Variants in NFKB1 observed in about 807,000 individuals in gnomAD.
NFKB1 encodes nuclear factor NF-kappa-B p105 subunit.
Under a neutral mutation model 105.1 loss-of-function variants are expected in NFKB1, and 9 were observed. The observed-to-expected ratio is 0.09, with a 90% CI of 0.05 to 0.15. The LOEUF is 0.15. NFKB1 is among the 10% of genes least tolerant of loss of function. NFKB1 has a pLI of 1.00. For synonymous variants in NFKB1, 440 were observed against 442.2 expected (o/e 1.00, Z 0.06); for missense variants, 830 against 1,203.7 (o/e 0.69, Z 4.59).
At chr4:102,522,133 T>C (rs1452202688) in intron 1 of NFKB1, among the ~76,000 whole-genome samples, 1 of 152,236 alleles carries the variant, frequency 6.6e-6, no homozygotes, top group African/African-American at 2.4e-5. Context: ...TTTTCCCTGG[T>C]CTTTTCTAAT....
At chr4:102,570,077 G>T (rs1724200984) in intron 6 of NFKB1, among the ~76,000 whole-genome samples, 1 of 151,924 alleles carries the variant, frequency 6.6e-6, no homozygotes, top group South Asian at 2.1e-4. Context: ...TTTGCTTTAG[G>T]CCAGTTCACT....
chr4:102,560,498 T>C (rs753051371), intron 5 of NFKB1, among the ~76,000 whole-genome samples: 12 of 152,138 alleles, frequency 7.9e-5, no homozygotes, highest in Non-Finnish European at 1.8e-4. Flanking sequence ...CTGTTGGTCA[T>C]TCAAAAAGGG....
At position 102,576,976 on chromosome 4, in the gene NFKB1, C is replaced by G; in HGVS notation, c.508C>G (p.Leu170Val). ...GTGTATAAGGGGCTATAATCCTGGA[C>G]TCTTGGTGCACCCTGACCTTGCCTA... ...EACIRGYNPGLLVHPDLAYLQ... is the reference protein window; with the variant it reads ...EACIRGYNPGVLVHPDLAYLQ... Residue 170 changes from leucine (L) to valine (V), a missense_variant, in exon 7 of 24, where the codon CTC becomes GTC. Leu to Val is a conservative substitution (Grantham distance 32). This residue lies in a region of NFKB1 where 80 missense variants were observed against 122.6 expected (regional missense o/e 0.65). Coordinates refer to ENST00000226574, the MANE Select transcript of NFKB1 (RefSeq NM_003998.4). The G allele has an allele frequency of 6.2e-7, 1 of 1,613,896 alleles. No individual in the cohort carries two copies. Among genetic ancestry groups the G allele is most frequent in the Non-Finnish European group, 8.5e-7 (1 of 1,179,948 alleles).
At chr4:102,548,650 C>T (rs1229515512) in intron 5 of NFKB1, among the ~76,000 whole-genome samples, 3 of 152,182 alleles carry the variant, frequency 2.0e-5, no homozygotes, top group African/African-American at 7.2e-5. Flanking sequence ...ATATCATGGT[C>T]TTCGCAGGGC....
chr4:102,516,048 A>G (rs1740157698), intron 1 of NFKB1, among the ~76,000 whole-genome samples: 1 of 152,086 alleles, frequency 6.6e-6, no homozygotes, highest in South Asian at 2.1e-4. Context: ...TTATCACTGT[A>G]AAGGTGCCTT....
chr4:102,518,912 G>C (rs901197779), intron 1 of NFKB1, among the ~76,000 whole-genome samples: 1 of 152,178 alleles, frequency 6.6e-6, no homozygotes, highest in Non-Finnish European at 1.5e-5. Flanking sequence ...TCATTGCAAG[G>C]CCTCTTATAA....
chr4:102,514,156 CAG>C (rs1739969904), intron 1 of NFKB1, among the ~76,000 whole-genome samples: 1 of 150,926 alleles, frequency 6.6e-6, no homozygotes, highest in South Asian at 2.1e-4. Flanking sequence ...GCCTGGGTGA[CAG>C]AGCGAGACTC....
chr4:102,593,201 T>A (rs1726313299), intron 11 of NFKB1: 2 of 332,972 alleles, frequency 6.0e-6, no homozygotes, highest in Admixed American at 4.7e-5. Flanking sequence ...TAGAGTGGAT[T>A]TGGGTGTGTA....
chr4:102,615,218 A>C (rs968489264), intron 23 of NFKB1, among the ~76,000 whole-genome samples: 1 of 152,224 alleles, frequency 6.6e-6, no homozygotes, highest in African/African-American at 2.4e-5. Context: ...TGTGCCTAGC[A>C]GTGTTCGAGG....
chr4:102,614,488 C>T (rs1728749264), intron 23 of NFKB1, among the ~76,000 whole-genome samples: 1 of 152,140 alleles, frequency 6.6e-6, no homozygotes, highest in Non-Finnish European at 1.5e-5. Flanking sequence ...AGCTACAGTC[C>T]AATTGCTCTA....
At chr4:102,503,002 GTTTGTTAAAACT>G (rs1345565369) in intron 1 of NFKB1, among the ~76,000 whole-genome samples, 1 of 152,082 alleles carries the variant, frequency 6.6e-6, no homozygotes, top group Admixed American at 6.5e-5. Context: ...CTGCATTCGT[GTTTGTTAAAACT>G]TTAAAAGGGA....
intron 5 of NFKB1, among the ~76,000 whole-genome samples, chr4:102,554,466 T>G (rs1012958620): frequency 6.6e-6 from 1 of 152,182 alleles, no homozygotes; most frequent in African/African-American, 2.4e-5. Flanking sequence ...GAGACATTTA[T>G]GTTAAGCACA....
chr4:102,567,193 G>C, intron 6 of NFKB1, 58 bp downstream of exon 6: 1 of 1,570,424 alleles, frequency 6.4e-7, no homozygotes, highest in South Asian at 1.1e-5. Context: ...TGGGATGCAG[G>C]AACTTAGAAT....
intron 5 of NFKB1, among the ~76,000 whole-genome samples, chr4:102,566,773 C>G (rs1723909455): frequency 6.6e-6 from 1 of 152,270 alleles, no homozygotes; most frequent in East Asian, 1.9e-4. Context: ...AGTGTATCTT[C>G]CCACTACACA....
chr4:102,606,497 C>T lies in NFKB1; in HGVS notation c.1754C>T (p.Thr585Met), dbSNP rs748549995. 1.9e-6 allele frequency: 3 copies of T among 1,613,892 alleles called. No individual in the cohort carries two copies. The highest frequency in any genetic ancestry group is 2.5e-6 in the Non-Finnish European group (3 of 1,179,924). The stretch of plus-strand genomic sequence containing the variant: ...ATCTCCTGCCCTTTCACTTTCCAGA[C>T]GCCCTTGCACTTGGCAGTGATCACT... Reference protein sequence around the residue: ...IINMRNDLYQTPLHLAVITKQ... With the variant: ...IINMRNDLYQMPLHLAVITKQ... The change falls in exon 17 of 24, where the codon ACG becomes ATG. Residue 585 changes from threonine (T) to methionine (M), a missense_variant and splice_region_variant. Physicochemically the swap from Thr to Met is moderately conservative, Grantham distance 81. Around this residue, in one of 8 missense-constraint regions of NFKB1, gnomAD observed 418 missense variants for 575.3 expected, o/e 0.73. Transcript: ENST00000226574.
At position 102,596,209 on chromosome 4, in the gene NFKB1, C is replaced by T. The variant is rs761486898; in HGVS notation, c.1372C>T (p.Leu458Phe). 17 of 1,613,346 alleles carry T rather than the reference C, an allele frequency of 1.1e-5. No individual in the cohort carries two copies. Among genetic ancestry groups the T allele is most frequent in the South Asian group, 4.4e-5 (4 of 91,040 alleles). ...DKSDDKNTVN[L>F]FGKVIETTEQ... Reference sequence around the variant, plus strand: ...AAGTGATGACAAAAACACTGTAAACCTCTTTGGGAAAGTTATTGAAACCAC... The same window carrying T: ...AAGTGATGACAAAAACACTGTAAACTTCTTTGGGAAAGTTATTGAAACCAC... Residue 458 changes from leucine to phenylalanine, a missense_variant, in exon 14 of 24, where the codon CTC becomes TTC. Around this residue, in one of 8 missense-constraint regions of NFKB1, gnomAD observed 163 missense variants for 164.3 expected, o/e 0.99. Transcript: ENST00000226574.
intron 9 of NFKB1, 26 bp downstream of exon 9, chr4:102,580,665 C>A: frequency 6.4e-7 from 1 of 1,572,604 alleles, no homozygotes; most frequent in Non-Finnish European, 8.7e-7. Context: ...GATCTCTGAT[C>A]TCAAGAGGTG....
At chr4:102,507,019 A>G (rs866000392) in intron 1 of NFKB1, among the ~76,000 whole-genome samples, 10 of 147,442 alleles carry the variant, frequency 6.8e-5, no homozygotes, top group Non-Finnish European at 1.3e-4. Flanking sequence ...ATAAATACAT[A>G]TTTGTAACTA....
intron 7 of NFKB1, chr4:102,577,607 T>G (rs780582640): frequency 6.3e-6 from 1 of 158,752 alleles, no homozygotes; most frequent in Non-Finnish European, 1.4e-5. Flanking sequence ...CATGCCCCAT[T>G]TCTACTTTTG....
Sources: gnomAD v4.1 joint callset for allele counts (sites outside exome capture counted in the v4.1 genomes callset) on GRCh38, gnomAD v4.1.1 for gene constraint, gnomAD v4.1.1 regional missense constraint, MANE v1.5 for transcripts, NCBI Gene and HGNC (gene_info 2026-07-23, HGNC 2026-07-21) for gene names.